The following SNX20 variants were observed in gnomAD, a reference collection of about 807,000 sequenced individuals.
SNX20 encodes the protein sorting nexin-20.
SNX20 carries 21 observed loss-of-function variants against 24.5 expected under a neutral mutation model. The observed-to-expected ratio is 0.86, with a 90% CI of 0.61 to 1.23. The LOEUF (loss-of-function observed/expected upper bound fraction) is 1.23, where lower values mean the gene tolerates loss of function less well. Ranked by LOEUF, SNX20 falls within the 50% of genes most tolerant of loss-of-function variation. SNX20 has a pLI of 0.00. For missense variants in SNX20, 433 were observed against 430.8 expected (o/e 1.00, Z -0.04); for synonymous variants, 206 against 192.8 (o/e 1.07, Z -0.57).
rs193291522 is a variant in SNX20 at position 50,680,833 on chromosome 16, G to A, written c.-10+357C>T. 4.6e-5 allele frequency among the ~76,000 whole-genome samples: 7 copies of A among 152,322 alleles called. No homozygotes were observed. In the East Asian group the frequency reaches 1.2e-3, roughly 25 times the overall value. ...GCAGGTTTCCTGGCTGCTAACATAG[G>A]AAGGTGCCATTGAACAGGCCTGGAT... is the stretch of plus-strand genomic sequence containing the variant. On this transcript the variant is annotated intron_variant, in intron 1 of 3. Coordinates refer to ENST00000330943, the MANE Select transcript of SNX20 (RefSeq NM_182854.4).
At chr16:50,676,986 G>A (rs1042140023) in intron 2 of SNX20, among the ~76,000 whole-genome samples, 1 of 152,218 alleles carries the variant, frequency 6.6e-6, no homozygotes, top group Non-Finnish European at 1.5e-5. Context: ...GCTTTCTAGG[G>A]CCATAGCAGC....
downstream of SNX20, chr16:50,669,307 T>C (rs1962986624): frequency 1.7e-6 from 1 of 582,054 alleles, no homozygotes; most frequent in Middle Eastern, 4.2e-4. Flanking sequence ...GCATTGCTTC[T>C]TGTGAAGCTT....
downstream of SNX20, chr16:50,669,377 G>C (rs909619062): frequency 7.8e-6 from 4 of 510,474 alleles, no homozygotes; most frequent in South Asian, 7.3e-5. Context: ...CATGGCAAGA[G>C]AGGGAGCAAG....
downstream of SNX20, chr16:50,668,544 T>C (rs1438672813): frequency 9.8e-7 from 1 of 1,018,226 alleles, no homozygotes; most frequent in Non-Finnish European, 1.2e-6. Context: ...TAAATGTGCA[T>C]AAGTAAAAGG....
downstream of SNX20, chr16:50,669,226 T>A: frequency 1.4e-6 from 1 of 736,640 alleles, no homozygotes; most frequent in Non-Finnish European, 2.5e-6. Context: ...ATACCTGAGG[T>A]TGGGTAGCTT....
intron 1 of SNX20, among the ~76,000 whole-genome samples, chr16:50,680,156 G>A (rs1596800397): frequency 6.6e-6 from 1 of 152,174 alleles, no homozygotes; most frequent in South Asian, 2.1e-4. Context: ...AAAGAGTTGT[G>A]CACTGGTGTA....
In SNX20 at chr16:50,677,062, C is replaced by T. The variant is rs1409323889; in HGVS notation, c.130+335G>A. On this transcript the variant is annotated intron_variant, in intron 2 of 3. Transcript: ENST00000330943. ...GTAGATAACAGCCCGGCTTCCTCAC[C>T]CCTAGGATAGGACAACCCAGAGATA... Among the ~76,000 whole-genome samples, 78 of 152,192 alleles carry T rather than the reference C, an allele frequency of 5.1e-4. 1 individual carries two copies. The highest frequency in any genetic ancestry group is 5.1e-3 in the Admixed American group (78 of 15,284).
intron 1 of SNX20, among the ~76,000 whole-genome samples, chr16:50,680,585 G>A (rs185364173): frequency 6.8e-4 from 104 of 152,262 alleles, no homozygotes; most frequent in African/African-American, 2.5e-3. Context: ...ACTTTTCATG[G>A]GGGATGAGCC....
chr16:50,674,152 A>G, intron 3 of SNX20, 78 bp from the exon 4 acceptor site: 1 of 1,494,472 alleles, frequency 6.7e-7, no homozygotes, highest in Non-Finnish European at 8.9e-7. Flanking sequence ...GAGTAAAGTT[A>G]ACCAGGCCGG....
chr16:50,670,872 G>A (rs1963032588), downstream of SNX20: 1 of 152,256 alleles, frequency 6.6e-6, no homozygotes, highest in Non-Finnish European at 1.5e-5. Context: ...GCAGCATTGA[G>A]TGTCATCGGG....
At chr16:50,671,607 C>T (rs1361622333), downstream of SNX20, 2 of 152,150 alleles carry the variant, frequency 1.3e-5, no homozygotes, top group Non-Finnish European at 2.9e-5. Flanking sequence ...GAAGAAATAA[C>T]TGACAAAATC....
intron 1 of SNX20, among the ~76,000 whole-genome samples, chr16:50,679,087 T>A (rs1192735642): frequency 6.6e-6 from 1 of 151,984 alleles, no homozygotes; most frequent in Non-Finnish European, 1.5e-5. Flanking sequence ...TGGTTAGGCA[T>A]GGAAATTCAA....
downstream of SNX20, chr16:50,669,535 C>G (rs1962994047): frequency 5.7e-6 from 1 of 174,908 alleles, no homozygotes; most frequent in Non-Finnish European, 1.2e-5. Context: ...ACCTTCAACA[C>G]TGGGAGTCAC....
intron 3 of SNX20, 72 bp from the exon 4 acceptor site, chr16:50,674,146 A>G: frequency 6.7e-7 from 1 of 1,501,322 alleles, no homozygotes; most frequent in Non-Finnish European, 8.8e-7. Flanking sequence ...CACCCAGAGT[A>G]AAGTTAACCA....
chr16:50,668,722 G>A (rs1596787238), downstream of SNX20: 2 of 1,097,268 alleles, frequency 1.8e-6, no homozygotes, highest in Non-Finnish European at 2.2e-6. Flanking sequence ...GCACAGCTTG[G>A]CTTTTGAGCC....
downstream of SNX20, chr16:50,671,592 G>C (rs886221133): frequency 1.3e-5 from 2 of 152,112 alleles, no homozygotes; most frequent in Admixed American, 1.3e-4. Flanking sequence ...TAGCATTTTA[G>C]ATTTGAAGAA....
downstream of SNX20, chr16:50,668,378 G>A: frequency 2.0e-6 from 2 of 1,007,322 alleles, no homozygotes; most frequent in Non-Finnish European, 1.3e-6. Flanking sequence ...AAGTCTACCA[G>A]CGGCCTCAGG....
chr16:50,666,338 A>C (rs1272266080), exon 4 of SNX20: 2 of 152,384 alleles, frequency 1.3e-5, no homozygotes, highest in Non-Finnish European at 2.9e-5. Flanking sequence ...TCATAAATAC[A>C]GTTTTTGTCA....
chr16:50,678,806 G>A (rs1481200986), intron 1 of SNX20, among the ~76,000 whole-genome samples: 3 of 152,144 alleles, frequency 2.0e-5, no homozygotes, highest in East Asian at 3.9e-4. Context: ...CTATAAATTG[G>A]GGATAATAAC....
Sources: allele counts gnomAD v4.1 joint callset (sites outside exome capture counted in the v4.1 genomes callset), GRCh38; gene constraint gnomAD v4.1.1; transcripts MANE v1.5; gene names NCBI Gene and HGNC (gene_info 2026-07-23, HGNC 2026-07-21).